Variants in HEXB observed in about 807,000 individuals in gnomAD.
The protein encoded by HEXB is hexosaminidase subunit beta.
HEXB carries 51 observed loss-of-function variants against 71.2 expected under a neutral mutation model. The ratio of observed to expected loss-of-function variants is 0.72; its 90% CI spans 0.57 to 0.90. HEXB has a LOEUF of 0.90. Ranked by LOEUF, HEXB falls within the 40% of genes least tolerant of loss-of-function variation. HEXB has a pLI of 0.00. For synonymous variants in HEXB, 266 were observed against 249.3 expected (o/e 1.07, Z -0.63); for missense variants, 617 against 677.0 (o/e 0.91, Z 0.98).
At chr5:74,664,244 G>C (rs1320808584) in intron 1 of HEXB, among the ~76,000 whole-genome samples, 1 of 139,378 alleles carries the variant, frequency 7.2e-6, no homozygotes, top group Non-Finnish European at 1.5e-5. Context: ...CAACAAGAGT[G>C]AAACTCCATC....
At chr5:74,692,751 T>C (rs1749031497) in intron 2 of HEXB, among the ~76,000 whole-genome samples, 1 of 152,198 alleles carries the variant, frequency 6.6e-6, no homozygotes, top group African/African-American at 2.4e-5. Flanking sequence ...GACACAGTAT[T>C]AAATCATTAA....
chr5:74,714,620 C>T (rs943183845), intron 7 of HEXB, among the ~76,000 whole-genome samples: 1 of 152,140 alleles, frequency 6.6e-6, no homozygotes, highest in Non-Finnish European at 1.5e-5. Context: ...TTGCTTCTGC[C>T]ATTATAAACT....
intron 1 of HEXB, among the ~76,000 whole-genome samples, chr5:74,688,930 C>T (rs989995859): frequency 2.6e-5 from 4 of 152,122 alleles, no homozygotes; most frequent in Non-Finnish European, 2.9e-5. Context: ...TACAGAGAAA[C>T]GAAGTTTTCT....
rs1466605073 is a variant in HEXB at position 74,721,166 on chromosome 5, G to T, written c.1662G>T (p.Glu554Asp). The T allele has an allele frequency of 6.2e-7, 1 of 1,612,908 alleles. No individual in the cohort carries two copies. The highest frequency in any genetic ancestry group is 2.2e-5 in the East Asian group (1 of 44,792). ...TTTATGCTGGATATTGTAACCATGA[G>T]AACATGTAAAAAATGGAGGGGAAAA... ...QPLYAGYCNH[E>D]NM Residue 554 changes from glutamate to aspartate, a missense_variant, in exon 14 of 14, where the codon GAG (glutamate) becomes GAT (aspartate). Transcript: ENST00000261416.
chr5:74,660,526 G>A (rs962397815), intron 1 of HEXB, among the ~76,000 whole-genome samples: 2 of 152,184 alleles, frequency 1.3e-5, no homozygotes, highest in African/African-American at 4.8e-5. Flanking sequence ...AAACAAGAGT[G>A]TCACAGGGAC....
At chr5:74,706,062 G>C (rs1261078616) in intron 6 of HEXB, 1 of 152,690 alleles carries the variant, frequency 6.5e-6, no homozygotes, top group Admixed American at 6.5e-5. Flanking sequence ...AACATATACA[G>C]ATACAGAATA....
rs1749330699 is a variant in HEXB, at chr5:74,704,355, ATCT to A, written c.670-860_670-858del. Among the ~76,000 whole-genome samples, 3 of 152,238 alleles carry A rather than the reference ATCT, an allele frequency of 2.0e-5. No homozygotes were observed. In the South Asian group the frequency reaches 6.2e-4, roughly 32 times the overall value. Reference sequence around the variant, plus strand: ...AAGTTTTGATGATCTTGTTGGACAAATCTTCTCCCTTATTGTTTTTCATCTTTT... The same window carrying A: ...AAGTTTTGATGATCTTGTTGGACAAATCTCCCTTATTGTTTTTCATCTTTT... On this transcript the variant is annotated intron_variant, in intron 5 of 13. Transcript: ENST00000261416.
At position 74,720,616 on chromosome 5, in the gene HEXB, C is replaced by G. The variant is rs142724828; in HGVS notation, c.1509-27C>G. The G allele has an allele frequency of 3.6e-5, 57 of 1,602,048 alleles. 1 individual carries two copies. The South Asian group carries it at 5.2e-4, about 15-fold the overall frequency. On this transcript the variant is annotated intron_variant, in intron 12 of 13. Coordinates refer to ENST00000261416, the MANE Select transcript of HEXB (RefSeq NM_000521.4). Reference sequence around the variant, plus strand: ...GCTAAACATAAATTTAAACTGCTTGCGGGGGGATGTGTGATTTAAATTTTA... The same window carrying G: ...GCTAAACATAAATTTAAACTGCTTGGGGGGGGATGTGTGATTTAAATTTTA...
chr5:74,720,784 T>A, intron 13 of HEXB, 37 bp downstream of exon 13: 1 of 1,484,036 alleles, frequency 6.7e-7, no homozygotes, highest in Non-Finnish European at 9.4e-7. Flanking sequence ...ATTTTTAACC[T>A]TCTTATTCAG....
intron 1 of HEXB, among the ~76,000 whole-genome samples, chr5:74,659,042 C>T (rs1336646301): frequency 6.6e-6 from 1 of 152,044 alleles, no homozygotes; most frequent in East Asian, 1.9e-4. Flanking sequence ...TTTCTCCTTG[C>T]ATTTAACTTT....
chr5:74,689,184 G>A (rs1331610011), intron 1 of HEXB, 144 bp from the exon 2 acceptor site: 8 of 707,736 alleles, frequency 1.1e-5, no homozygotes, highest in East Asian at 7.9e-5. Context: ...TGATTCTAAT[G>A]TACAGCTTGG....
At chr5:74,702,370 G>A (rs1276119086) in intron 5 of HEXB, among the ~76,000 whole-genome samples, 1 of 152,088 alleles carries the variant, frequency 6.6e-6, no homozygotes, top group African/African-American at 2.4e-5. Context: ...GAGCCACCGC[G>A]CCCGGCCTCC....
chr5:74,640,439 G>C (rs1251635313), exon 1 of HEXB: 2 of 152,318 alleles, frequency 1.3e-5, no homozygotes, highest in African/African-American at 4.8e-5. Context: ...GCCGGGGAGA[G>C]GACTGCGCCC....
chr5:74,691,882 T>A (rs566522740), intron 2 of HEXB, among the ~76,000 whole-genome samples: 1 of 152,328 alleles, frequency 6.6e-6, no homozygotes, highest in South Asian at 2.1e-4. Flanking sequence ...TATAATTCCT[T>A]TCACACTTCA....
chr5:74,660,582 C>T (rs2112087553), intron 1 of HEXB, among the ~76,000 whole-genome samples: 1 of 152,336 alleles, frequency 6.6e-6, no homozygotes, highest in South Asian at 2.1e-4. Context: ...CATCAGCTCC[C>T]ACTCCAGATG....
intron 5 of HEXB, among the ~76,000 whole-genome samples, chr5:74,702,067 C>CTTT (rs60295789): frequency 3.6e-4 from 22 of 60,592 alleles, no homozygotes; most frequent in East Asian, 1.9e-3. Flanking sequence ...CTTTCCTTGT[C>CTTT]TTTTTTTTTT....
At chr5:74,668,439 G>A (rs1337067809) in intron 1 of HEXB, among the ~76,000 whole-genome samples, 2 of 152,130 alleles carry the variant, frequency 1.3e-5, no homozygotes, top group South Asian at 2.1e-4. Flanking sequence ...CAGAGAGGTA[G>A]CCTGGCCCCC....
At chr5:74,662,190 GCA>G (rs1006959080) in intron 1 of HEXB, among the ~76,000 whole-genome samples, 1 of 151,696 alleles carries the variant, frequency 6.6e-6, no homozygotes. Context: ...TTTGTGCTGT[GCA>G]CAGACATGGT....
At chr5:74,684,771 G>T (rs368008166), upstream of HEXB, among the ~76,000 whole-genome samples, 239 of 147,722 alleles carry the variant, frequency 1.6e-3, no homozygotes, top group African/African-American at 5.3e-3. Flanking sequence ...TCCGCCTCCC[G>T]GGTTCAAGAG....
Sources: gnomAD v4.1 joint callset for allele counts (sites outside exome capture counted in the v4.1 genomes callset) on GRCh38, gnomAD v4.1.1 for gene constraint, MANE v1.5 for transcripts, NCBI Gene and HGNC (gene_info 2026-07-23, HGNC 2026-07-21) for gene names.